The following USP33 variants were observed in gnomAD, a reference collection of about 807,000 sequenced individuals.
USP33 encodes the protein ubiquitin specific peptidase 33.
Under a neutral mutation model 124.2 loss-of-function variants are expected in USP33, and 46 were observed. The observed-to-expected ratio is 0.37, with a 90% confidence interval of 0.29 to 0.47. The LOEUF is 0.47. Among genes scored for constraint, USP33 ranks in the 20% least tolerant of loss-of-function variants. The probability of loss-of-function intolerance (pLI) is 0.99; values close to 1 mark genes in which losing one functional copy is unlikely to be tolerated. For missense variants in USP33, 851 were observed against 1,070.6 expected, an observed-to-expected ratio of 0.79 and a Z score of 2.86; for synonymous variants, 350 against 352.3, an observed-to-expected ratio of 0.99 and a Z score of 0.07.
chr1:77,746,683 G>T (rs900468091), intron 1 of USP33: 1 of 152,150 alleles, frequency 6.6e-6, no homozygotes, highest in South Asian at 2.1e-4. Flanking sequence ...TATCCACCAC[G>T]ATCAAGTTGG....
intron 21 of USP33, among the ~76,000 whole-genome samples, chr1:77,704,547 C>T (rs1366600755): frequency 2.6e-5 from 4 of 152,272 alleles, no homozygotes; most frequent in Admixed American, 2.6e-4. Flanking sequence ...CTCTCTAGTT[C>T]TGGAAAATTT....
At chr1:77,700,539 T>G (rs1216333388) in intron 22 of USP33, among the ~76,000 whole-genome samples, 1 of 152,146 alleles carries the variant, frequency 6.6e-6, no homozygotes, top group Non-Finnish European at 1.5e-5. Flanking sequence ...GGCTGAGAGT[T>G]CAGGGCTGCA....
At chr1:77,725,017 G>T (rs1004087617) in intron 11 of USP33, among the ~76,000 whole-genome samples, 1 of 152,052 alleles carries the variant, frequency 6.6e-6, no homozygotes, top group African/African-American at 2.4e-5. Context: ...ACTCCAGCCT[G>T]GGCGACAGTG....
At chr1:77,704,169 A>G (rs1352138089) in intron 21 of USP33, among the ~76,000 whole-genome samples, 2 of 152,158 alleles carry the variant, frequency 1.3e-5, no homozygotes, top group African/African-American at 2.4e-5. Flanking sequence ...AGCTCTCTGA[A>G]GGCAAAGATC....
At chr1:77,742,036 C>T (rs111481813) in intron 1 of USP33, among the ~76,000 whole-genome samples, 4,014 of 151,966 alleles carry the variant, frequency 0.026, 57 homozygotes, top group Middle Eastern at 0.078. Context: ...TGCTGCTTTT[C>T]CCCTCTCATT....
intron 15 of USP33, chr1:77,720,487 G>A (rs1676456867): frequency 1.6e-5 from 16 of 985,256 alleles, no homozygotes; most frequent in Non-Finnish European, 1.8e-5. Context: ...ATTCCTTTCT[G>A]TCATGTCATG....
intron 10 of USP33, 104 bp downstream of exon 10, chr1:77,728,191 A>AT: frequency 1.6e-6 from 2 of 1,283,702 alleles, no homozygotes; most frequent in Admixed American, 2.6e-5. Flanking sequence ...AAATACTGCT[A>AT]AACTATAATT....
At chr1:77,742,861 T>A (rs548036519) in intron 1 of USP33, among the ~76,000 whole-genome samples, 1 of 152,266 alleles carries the variant, frequency 6.6e-6, no homozygotes, top group East Asian at 1.9e-4. Flanking sequence ...TTTATAACTA[T>A]ATAGAACCCC....
chr1:77,740,354 C>CTTT (rs772557695), intron 4 of USP33, among the ~76,000 whole-genome samples: 4 of 143,096 alleles, frequency 2.8e-5, no homozygotes, highest in Non-Finnish European at 6.2e-5. Flanking sequence ...TGGATATACA[C>CTTT]TTTTTTTTTT....
intron 6 of USP33, among the ~76,000 whole-genome samples, chr1:77,734,836 T>C (rs1297608143): frequency 6.6e-6 from 1 of 152,082 alleles, no homozygotes; most frequent in African/African-American, 2.4e-5. Context: ...CTGAAAGTAG[T>C]ATTTATGCCG....
intron 7 of USP33, 31 bp from the exon 8 acceptor site, chr1:77,730,762 G>A (rs777931845): frequency 1.4e-6 from 2 of 1,473,190 alleles, no homozygotes; most frequent in Non-Finnish European, 1.8e-6. Context: ...ATGTTAGAGT[G>A]GAGTCAAAGC....
At chr1:77,725,533 T>A in intron 11 of USP33, 89 bp downstream of exon 11, 1 of 1,468,116 alleles carries the variant, frequency 6.8e-7, no homozygotes, top group East Asian at 2.3e-5. Flanking sequence ...TCATATTTCA[T>A]AATTAACACT....
Position 77,729,920 on chromosome 1 carries a change from A to T in USP33, c.657T>A (p.Pro219=). 1 of 1,613,588 alleles carries T rather than the reference A, an allele frequency of 6.2e-7. No individual in the cohort carries two copies. Residue 219 remains proline (P), a synonymous_variant, in exon 9 of 24, where the codon CCT becomes CCA. Coordinates refer to ENST00000370794, the MANE Select transcript of USP33 (RefSeq NM_201624.3). ...TTTTAATTCCTTGAAACAGAGTAGT[A>T]GGCACAACAGATCCTGGCCTGAGCA... ...WHKSRPGSVV[P]TTLFQGIKTV...
intron 4 of USP33, among the ~76,000 whole-genome samples, chr1:77,739,817 G>C (rs1264321745): frequency 6.6e-6 from 1 of 152,146 alleles, no homozygotes; most frequent in Admixed American, 6.5e-5. Context: ...TAGCAATACA[G>C]AATATATAAT....
intron 20 of USP33, 79 bp downstream of exon 20, chr1:77,713,121 T>A: frequency 1.8e-6 from 2 of 1,118,992 alleles, no homozygotes; most frequent in Non-Finnish European, 2.6e-6. Flanking sequence ...ACAAGGAGCA[T>A]CTCTGAAATA....
At chr1:77,724,843 G>A (rs934664644) in intron 11 of USP33, among the ~76,000 whole-genome samples, 1 of 151,946 alleles carries the variant, frequency 6.6e-6, no homozygotes, top group Non-Finnish European at 1.5e-5. Flanking sequence ...AGATCACAAG[G>A]TCAGGAGTTC....
intron 4 of USP33, 78 bp downstream of exon 4, chr1:77,740,799 A>T: frequency 1.0e-6 from 1 of 983,156 alleles, no homozygotes; most frequent in Non-Finnish European, 1.5e-6. Context: ...AACTTGAATT[A>T]ATAATGTTAT....
At chr1:77,720,165 GAAAAAAAAAAAAAAAA>G (rs745681259) in intron 15 of USP33, among the ~76,000 whole-genome samples, 5 of 42,742 alleles carry the variant, frequency 1.2e-4, no homozygotes, top group Admixed American at 4.8e-4. Flanking sequence ...TGTCTCAAAT[GAAAAAAAAAAAAAAAA>G]AAAAAAAAAA....
intron 15 of USP33, among the ~76,000 whole-genome samples, chr1:77,720,116 T>C (rs1676395278): frequency 8.3e-6 from 1 of 120,054 alleles, no homozygotes; most frequent in South Asian, 2.8e-4. Flanking sequence ...GCTGTAATCA[T>C]GCTACTGAAT....
Sources: allele counts gnomAD v4.1 joint callset (sites outside exome capture counted in the v4.1 genomes callset), GRCh38; gene constraint gnomAD v4.1.1; transcripts MANE v1.5; gene names NCBI Gene and HGNC (gene_info 2026-07-23, HGNC 2026-07-21).